POLR2E: variants seen among roughly 807,000 people sequenced by gnomAD.
POLR2E encodes DNA-directed RNA polymerases I, II, and III subunit RPABC1.
A neutral mutation model predicts 29.8 loss-of-function variants in POLR2E; 35 were observed. The ratio of observed to expected loss-of-function variants is 1.17; its 90% CI spans 0.90 to 1.55. POLR2E has a LOEUF of 1.55. POLR2E is among the 40% of genes most tolerant of loss of function. POLR2E has a pLI of 0.00. For missense variants in POLR2E, 287 were observed against 288.6 expected, an observed-to-expected ratio of 0.99 and a Z score of 0.04; for synonymous variants, 174 against 112.6, an observed-to-expected ratio of 1.55 and a Z score of -3.45.
Position 1,088,439 on chromosome 19 carries a change from C to G in POLR2E, c.*296G>C, listed in dbSNP as rs2043757464. On this transcript the variant is annotated 3_prime_UTR_variant, in exon 8 of 8. Transcript: ENST00000615234. ...ACCCCAAACCCCCAACAGAGGGGAC[C>G]CAGCGTGGTCTGGGTGAAGACCCGG... 1 of 152,322 alleles carries G rather than the reference C, an allele frequency of 6.6e-6. No individual in the cohort carries two copies. The highest frequency in any genetic ancestry group is 1.5e-5 in the Non-Finnish European group (1 of 68,100). The allele number at this position is 152,322 out of a possible 1,614,324, so 9.4% of individuals were successfully genotyped here.
rs2043781340 is a variant in POLR2E at position 1,089,463 on chromosome 19, C to T, written c.*14+9G>A. On this transcript the variant is annotated intron_variant, in intron 7 of 7. Transcript: ENST00000615234. ...CCCCACCTCAGTGCCTGTCCCTCGGCCGTCTCACCTGTCAGGCGGTAGCTA... is the reference window on the plus strand; with the variant it reads ...CCCCACCTCAGTGCCTGTCCCTCGGTCGTCTCACCTGTCAGGCGGTAGCTA... 3 of 1,598,912 alleles carry T rather than the reference C, an allele frequency of 1.9e-6. No individual in the cohort carries two copies. The highest frequency in any genetic ancestry group is 2.2e-5 in the East Asian group (1 of 44,750).
At chr19:1,095,173 G>T in intron 1 of POLR2E, 86 bp downstream of exon 1, 1 of 1,384,678 alleles carries the variant, frequency 7.2e-7, no homozygotes, top group Non-Finnish European at 1.0e-6. Context: ...TCCGACGAGA[G>T]TACGAGGAGA....
chr19:1,094,950 GGGGGCGCCCCCCGTCCCCATTC>G (rs2043909562), intron 1 of POLR2E: 2 of 486,350 alleles, frequency 4.1e-6, no homozygotes, highest in Admixed American at 3.8e-5. Context: ...GGCAGAGTCT[GGGGGCGCCCCCCGTCCCCATTC>G]GCGGCTTCCT....
At chr19:1,091,747 G>A (rs2043836020) in intron 3 of POLR2E, 45 bp downstream of exon 3, 1 of 1,306,702 alleles carries the variant, frequency 7.7e-7, no homozygotes, top group Admixed American at 1.7e-5. Flanking sequence ...GCGGGAGGAG[G>A]CTGGGGAGGG....
intron 2 of POLR2E, among the ~76,000 whole-genome samples, chr19:1,093,162 G>A (rs2043872812): frequency 2.0e-5 from 3 of 152,036 alleles, no homozygotes; most frequent in Admixed American, 1.3e-4. Flanking sequence ...CTCCAGCCTG[G>A]GCGACAGATT....
Position 1,086,734 on chromosome 19 carries a change from G to C in POLR2E, c.*2001C>G, listed in dbSNP as rs780356742. Reference sequence around the variant, plus strand: ...AGAGAGCCCCGTGGCGTGGCCCTGGGCCTCCCCCTAGGGGAGGGATGTGTG... The same window carrying C: ...AGAGAGCCCCGTGGCGTGGCCCTGGCCCTCCCCCTAGGGGAGGGATGTGTG... On this transcript the variant is annotated 3_prime_UTR_variant, in exon 8 of 8. Transcript: ENST00000615234. The C allele has an allele frequency of 2.0e-5, 3 of 152,172 alleles. No individual in the cohort carries two copies. Among genetic ancestry groups the C allele is most frequent in the African/African-American group, 7.2e-5 (3 of 41,410 alleles). 9.4% of individuals were successfully genotyped at this position (152,172 alleles called of 1,614,324 possible).
chr19:1,095,118 G>A (rs1439425490), intron 1 of POLR2E, 141 bp downstream of exon 1: 2 of 818,328 alleles, frequency 2.4e-6, no homozygotes, highest in East Asian at 6.0e-5. Flanking sequence ...TATCCCCGGC[G>A]ACCTCTGGGC....
chr19:1,093,644 G>T, intron 2 of POLR2E: 1 of 912,542 alleles, frequency 1.1e-6, no homozygotes, highest in South Asian at 2.4e-5. Context: ...CTGGGGGTGA[G>T]TGGGGAGGCC....
intron 6 of POLR2E, 110 bp from the exon 7 acceptor site, chr19:1,089,661 G>A (rs571559216): frequency 2.3e-5 from 22 of 949,906 alleles, no homozygotes; most frequent in South Asian, 2.8e-5. Flanking sequence ...GGTCCGAGAT[G>A]GCTGACCCTG....
At position 1,090,350 on chromosome 19, in the gene POLR2E, C is replaced by T. The variant is rs537612950; in HGVS notation, c.430-205G>A. Among the ~76,000 whole-genome samples, 361 of 150,778 alleles carry T rather than the reference C, an allele frequency of 2.4e-3. 1 individual carries two copies. The highest frequency in any genetic ancestry group is 4.0e-3 in the Non-Finnish European group (269 of 67,536). ...CAGCTCCTGGGGCTTCTGAGGCAGA[C>T]GGGCTGGGCACAGCCACCTCCTGCT... On this transcript the variant is annotated intron_variant, in intron 4 of 7. Coordinates refer to ENST00000615234, the MANE Select transcript of POLR2E (RefSeq NM_002695.5).
intron 6 of POLR2E, 145 bp from the exon 7 acceptor site, chr19:1,089,696 AC>A: frequency 1.2e-6 from 1 of 800,432 alleles, no homozygotes; most frequent in Non-Finnish European, 2.1e-6. Context: ...CTCCCTGGGA[AC>A]CTGGGTCACG....
intron 2 of POLR2E, chr19:1,093,605 A>G: frequency 2.1e-6 from 1 of 484,546 alleles, no homozygotes; most frequent in South Asian, 4.5e-5. Context: ...GGGGGAGCCA[A>G]GGGACACTAG....
chr19:1,091,203 G>A lies in POLR2E; in HGVS notation c.349-215C>T, dbSNP rs959697377. Among the ~76,000 whole-genome samples the A allele has an allele frequency of 3.9e-5, 6 of 152,320 alleles. No individual in the cohort carries two copies. In the East Asian group the frequency reaches 5.8e-4, roughly 15 times the overall value. ...AGCCTCATCCAGCAGTGAAGTGGCC[G>A]TGGAAACTCGGATGTGTTTCCATCC... is the stretch of plus-strand genomic sequence containing the variant. On this transcript the variant is annotated intron_variant, in intron 3 of 7. Transcript: ENST00000615234.
In POLR2E at chr19:1,090,151, G is replaced by C; in HGVS notation, c.430-6C>G. On this transcript the variant is annotated splice_region_variant and splice_polypyrimidine_tract_variant and intron_variant, in intron 4 of 7. Transcript: ENST00000615234. The stretch of plus-strand genomic sequence containing the variant: ...ACGACGTGCTCAGGGACTAGCTGCC[G>C]AGAGAGGAAGCCACCAGGCATCACC... 1 of 1,612,166 alleles carries C rather than the reference G, an allele frequency of 6.2e-7. No individual in the cohort carries two copies. Among genetic ancestry groups the C allele is most frequent in the Non-Finnish European group, 8.5e-7 (1 of 1,179,702 alleles).
At chr19:1,093,662 C>G (rs2043885422) in intron 2 of POLR2E, 3 of 1,156,088 alleles carry the variant, frequency 2.6e-6, no homozygotes, top group Non-Finnish European at 3.4e-6. Context: ...GCCCTTGTGA[C>G]TCTCCTCGTT....
In POLR2E at chr19:1,087,829, G is replaced by C. The variant is rs1273767861; in HGVS notation, c.*906C>G. On this transcript the variant is annotated 3_prime_UTR_variant, in exon 8 of 8. Coordinates refer to ENST00000615234, the MANE Select transcript of POLR2E (RefSeq NM_002695.5). Reference sequence around the variant, plus strand: ...ACATCTTAATAAAGCTACTGTGAGAGAACCACGTGGCTAGGTTAAACTTGG... The same window carrying C: ...ACATCTTAATAAAGCTACTGTGAGACAACCACGTGGCTAGGTTAAACTTGG... 6.6e-6 allele frequency: 1 copy of C among 152,330 alleles called. No homozygotes were observed. The highest frequency in any genetic ancestry group is 1.5e-5 in the Non-Finnish European group (1 of 68,038). 9.4% of individuals were successfully genotyped at this position (152,330 alleles called of 1,614,324 possible). A position where few individuals can be genotyped will look rare whatever the true frequency, so the allele number is the denominator to read the frequency against.
At chr19:1,089,418 G>C in intron 7 of POLR2E, 54 bp downstream of exon 7, 1 of 1,197,756 alleles carries the variant, frequency 8.3e-7, no homozygotes, top group Non-Finnish European at 1.2e-6. Context: ...CGACGGAGGG[G>C]ACGACACCCC....
chr19:1,091,322 C>A (rs2043824428), intron 3 of POLR2E, among the ~76,000 whole-genome samples: 1 of 152,256 alleles, frequency 6.6e-6, no homozygotes, highest in African/African-American at 2.4e-5. Flanking sequence ...AACCCCACAG[C>A]TGGTGGGCCA....
chr19:1,090,833 A>G, intron 4 of POLR2E, 75 bp downstream of exon 4: 1 of 1,316,332 alleles, frequency 7.6e-7, no homozygotes, highest in South Asian at 1.2e-5. Flanking sequence ...CCCAGATCCC[A>G]CATCTTCCTG....
Sources: gnomAD v4.1 joint callset for allele counts (sites outside exome capture counted in the v4.1 genomes callset) on GRCh38, gnomAD v4.1.1 for gene constraint, MANE v1.5 for transcripts, NCBI Gene and HGNC (gene_info 2026-07-23, HGNC 2026-07-21) for gene names.